PCSK5: variants seen among roughly 807,000 people sequenced by gnomAD.
PCSK5 encodes proprotein convertase subtilisin/kexin type 5, also known as prohormone convertase 5.
Under a neutral mutation model 233.2 loss-of-function variants are expected in PCSK5, and 129 were observed. That is an observed-to-expected ratio of 0.55 (90% CI 0.48 to 0.64). PCSK5 has a LOEUF of 0.64. Among genes scored for constraint, PCSK5 ranks in the 30% least tolerant of loss-of-function variants. PCSK5 has a pLI of 0.00. For synonymous variants in PCSK5, 825 were observed against 879.2 expected (o/e 0.94, Z 1.09); for missense variants, 2,076 against 2,430.1 (o/e 0.85, Z 3.06).
chr9:76,057,507 T>C (rs1829863085), intron 5 of PCSK5, among the ~76,000 whole-genome samples: 1 of 152,218 alleles, frequency 6.6e-6, no homozygotes, highest in South Asian at 2.1e-4. Context: ...ATTTAACTGT[T>C]ACATAATGCA....
At chr9:75,924,841 TGC>T in intron 1 of PCSK5, among the ~76,000 whole-genome samples, 1 of 152,286 alleles carries the variant, frequency 6.6e-6, no homozygotes, top group East Asian at 1.9e-4. Flanking sequence ...TAGGAGCATA[TGC>T]TCTGGAATTA....
chr9:76,217,515 C>G (rs1405175503), intron 20 of PCSK5, among the ~76,000 whole-genome samples: 1 of 152,162 alleles, frequency 6.6e-6, no homozygotes, highest in Non-Finnish European at 1.5e-5. Context: ...TACAGATGAG[C>G]TGACTGAGGC....
At chr9:75,891,487 C>CAAGAG in intron 1 of PCSK5, 114 bp downstream of exon 1, 4 of 864,412 alleles carry the variant, frequency 4.6e-6, no homozygotes, top group Non-Finnish European at 7.1e-6. Flanking sequence ...AGCTGTTGCC[C>CAAGAG]TAACTCTTGG....
rs529237814 is a variant in PCSK5, at chr9:76,207,700, G to A, written c.2626+17954G>A. ...GGAATTAGAGAGGATATGCTCTACCGAATGGGTTGTCAGTCCCCTGGGCAG... is the reference window on the plus strand; with the variant it reads ...GGAATTAGAGAGGATATGCTCTACCAAATGGGTTGTCAGTCCCCTGGGCAG... On this transcript the variant is annotated intron_variant, in intron 20 of 37. Transcript: ENST00000674117. 5.5e-4 allele frequency among the ~76,000 whole-genome samples: 83 copies of A among 152,234 alleles called. No homozygotes were observed. The South Asian group carries it at 0.016, about 30-fold the overall frequency.
chr9:76,058,965 C>T (rs749972887), intron 5 of PCSK5, among the ~76,000 whole-genome samples: 2 of 151,462 alleles, frequency 1.3e-5, no homozygotes, highest in Non-Finnish European at 2.9e-5. Flanking sequence ...GGCAACTTGG[C>T]GAGACCCACA....
chr9:76,253,793 T>C (rs912231916), intron 24 of PCSK5, among the ~76,000 whole-genome samples: 2 of 152,206 alleles, frequency 1.3e-5, no homozygotes, highest in Non-Finnish European at 2.9e-5. Flanking sequence ...TTTATGCATA[T>C]GGGAAATGAC....
chr9:76,232,101 A>T (rs1826106744), intron 21 of PCSK5, among the ~76,000 whole-genome samples: 1 of 152,180 alleles, frequency 6.6e-6, no homozygotes, highest in Non-Finnish European at 1.5e-5. Context: ...CTGGGATTGA[A>T]ATGGCCCACC....
In PCSK5 at chr9:76,188,671, T is replaced by C. The variant is rs777325568; in HGVS notation, c.2376T>C (p.Cys792=). 1.9e-6 allele frequency: 3 copies of C among 1,610,914 alleles called. No homozygotes were observed. The highest frequency in any genetic ancestry group is 2.5e-6 in the Non-Finnish European group (3 of 1,177,088). ...CQPCHRFCAT[C]AGAGADGCIN... ...CCTGCCACCGCTTCTGCGCCACTTG[T>C]GCTGGTACCTTCCCTAGTTCTTTTG... Residue 792 remains cysteine (C), a synonymous_variant, in exon 18 of 38, where the codon TGT becomes TGC. Coordinates refer to ENST00000674117, the MANE Select transcript of PCSK5 (RefSeq NM_001372043.1).
rs879868197 is a variant in PCSK5, at chr9:75,908,988, TATCC to T, written c.192+17616_192+17619del. Among the ~76,000 whole-genome samples the T allele has an allele frequency of 7.1e-3, 996 of 139,904 alleles. 2 individuals are homozygous for T. Among genetic ancestry groups the T allele is most frequent in the South Asian group, 0.013 (55 of 4,352 alleles). The allele number at this position is 139,904 out of a possible 152,430, so 91.8% of individuals were successfully genotyped here. A position where few individuals can be genotyped will look rare whatever the true frequency, so the allele number is the denominator to read the frequency against. On this transcript the variant is annotated intron_variant, in intron 1 of 37. Transcript: ENST00000674117. ...CTATCTATCTATCTATCTATCTATC[TATCC>T]GATTTTCTCTCCTCTGCTAGATAAT...
chr9:76,333,188 A>T (rs932933166), intron 34 of PCSK5, among the ~76,000 whole-genome samples: 1 of 152,158 alleles, frequency 6.6e-6, no homozygotes, highest in Admixed American at 6.5e-5. Flanking sequence ...TAAAAATTAA[A>T]ACAATTTGGC....
intron 21 of PCSK5, among the ~76,000 whole-genome samples, chr9:76,229,896 G>A (rs1352550851): frequency 6.6e-6 from 1 of 152,156 alleles, no homozygotes; most frequent in African/African-American, 2.4e-5. Context: ...CTATGAAAAG[G>A]TCAAGAGCTG....
intron 24 of PCSK5, among the ~76,000 whole-genome samples, chr9:76,289,494 C>CAT (rs1554717432): frequency 3.1e-5 from 4 of 128,052 alleles, no homozygotes; most frequent in Admixed American, 7.8e-5. Flanking sequence ...CACACACACA[C>CAT]ACACACACAC....
intron 3 of PCSK5, 77 bp from the exon 4 acceptor site, chr9:76,023,661 A>G: frequency 7.2e-7 from 1 of 1,388,540 alleles, no homozygotes; most frequent in African/African-American, 1.5e-5. Context: ...AAAAAAAAAC[A>G]AAAGAAAGAA....
intron 5 of PCSK5, among the ~76,000 whole-genome samples, chr9:76,034,501 C>A (rs769287781): frequency 6.6e-6 from 1 of 152,002 alleles, no homozygotes; most frequent in Non-Finnish European, 1.5e-5. Context: ...TCTATGTATC[C>A]CCTCCTCTTC....
At chr9:76,357,493 T>C (rs1830330294) in intron 37 of PCSK5, among the ~76,000 whole-genome samples, 1 of 151,926 alleles carries the variant, frequency 6.6e-6, no homozygotes, top group African/African-American at 2.4e-5. Context: ...CACTCCAGCC[T>C]GGGTGACAGA....
At chr9:76,079,275 T>C (rs1830750682) in intron 7 of PCSK5, among the ~76,000 whole-genome samples, 1 of 151,606 alleles carries the variant, frequency 6.6e-6, no homozygotes, top group African/African-American at 2.4e-5. Flanking sequence ...AGCTAATTTT[T>C]GTATTTTTAG....
intron 1 of PCSK5, among the ~76,000 whole-genome samples, chr9:75,908,630 T>C (rs1822516448): frequency 6.6e-6 from 1 of 152,204 alleles, no homozygotes; most frequent in Admixed American, 6.5e-5. Context: ...CTTTTCTGCC[T>C]CTACTCATGT....
intron 10 of PCSK5, among the ~76,000 whole-genome samples, chr9:76,144,426 T>C (rs963527796): frequency 2.0e-5 from 3 of 152,286 alleles, no homozygotes; most frequent in African/African-American, 7.2e-5. Context: ...TCAGAGAAGA[T>C]AGCTAAAAAC....
At chr9:76,287,412 C>T (rs947764795) in intron 24 of PCSK5, 3 of 167,710 alleles carry the variant, frequency 1.8e-5, no homozygotes, top group East Asian at 1.8e-4. Context: ...CCACATTCTG[C>T]GTGTAGTACT....
Sources: allele counts gnomAD v4.1 joint callset (sites outside exome capture counted in the v4.1 genomes callset), GRCh38; gene constraint gnomAD v4.1.1; transcripts MANE v1.5; gene names NCBI Gene and HGNC (gene_info 2026-07-23, HGNC 2026-07-21).